Variants in MAST4 observed in about 807,000 individuals in gnomAD.
The protein encoded by MAST4 is microtubule associated serine/threonine kinase family member 4, also known as microtubule-associated serine/threonine-protein kinase 4.
A neutral mutation model predicts 162.7 loss-of-function variants in MAST4; 89 were observed. That is an observed-to-expected ratio of 0.55 (90% confidence interval 0.46 to 0.65). MAST4 has a LOEUF of 0.65. Among genes scored for constraint, MAST4 ranks in the 30% least tolerant of loss-of-function variants. MAST4 has a pLI of 0.00. For synonymous variants in MAST4, 1,479 were observed against 1,361.1 expected, an observed-to-expected ratio of 1.09 and a Z score of -1.91; for missense variants, 3,153 against 3,374.0, an observed-to-expected ratio of 0.93 and a Z score of 1.62.
chr5:67,152,575 G>A, intron 24 of MAST4, 62 bp from the exon 25 acceptor site: 1 of 1,385,300 alleles, frequency 7.2e-7, no homozygotes, highest in Non-Finnish European at 1.0e-6. Flanking sequence ...TGGGGTGAGG[G>A]TTGCCTGCAT....
chr5:66,858,883 A>C (rs1759880232), intron 3 of MAST4, among the ~76,000 whole-genome samples: 2 of 152,110 alleles, frequency 1.3e-5, no homozygotes, highest in Non-Finnish European at 1.5e-5. Context: ...CCTTTGATAG[A>C]TGTATCTCTA....
At chr5:67,010,347 T>C (rs1198505258) in intron 4 of MAST4, among the ~76,000 whole-genome samples, 1 of 152,134 alleles carries the variant, frequency 6.6e-6, no homozygotes, top group Admixed American at 6.5e-5. Context: ...TGGGAGTTAC[T>C]TCAGATAACG....
intron 1 of MAST4, among the ~76,000 whole-genome samples, chr5:66,653,439 TCA>T (rs1376959519): frequency 3.3e-5 from 5 of 152,312 alleles, no homozygotes; most frequent in African/African-American, 1.2e-4. Context: ...GCCAGCCCCC[TCA>T]CAGTGCCAGC....
intron 1 of MAST4, among the ~76,000 whole-genome samples, chr5:66,721,965 A>G (rs553988696): frequency 6.6e-6 from 1 of 152,122 alleles, no homozygotes; most frequent in South Asian, 2.1e-4. Context: ...CACCTTCTGC[A>G]CTGCTGCTAC....
intron 3 of MAST4, among the ~76,000 whole-genome samples, chr5:66,831,033 CT>C (rs1757563537): frequency 6.6e-6 from 1 of 152,080 alleles, no homozygotes. Flanking sequence ...TAATATATGA[CT>C]TTTGAGTGTA....
rs140685940 is a variant in MAST4, at chr5:67,068,512, T to C, written c.763+14020T>C. Among the ~76,000 whole-genome samples the C allele has an allele frequency of 8.0e-4, 122 of 152,240 alleles. 4 individuals are homozygous for C. In the East Asian group the frequency reaches 0.021, roughly 26 times the overall value. On this transcript the variant is annotated intron_variant, in intron 5 of 28. Coordinates refer to ENST00000403625, the MANE Select transcript of MAST4 (RefSeq NM_001164664.2). ...AGCATGGGAGAAACCATCTCCATGA[T>C]CCAGTCACTTTCCCCTGGGTCCCTC...
chr5:66,828,814 GTGA>G (rs1757403490), intron 3 of MAST4: 1 of 1,602,810 alleles, frequency 6.2e-7, no homozygotes, highest in African/African-American at 1.3e-5. Context: ...CTAGACTGTT[GTGA>G]GAGGCTCAGA....
At chr5:66,837,921 G>A (rs1477946929) in intron 3 of MAST4, among the ~76,000 whole-genome samples, 1 of 116,386 alleles carries the variant, frequency 8.6e-6, no homozygotes, top group African/African-American at 3.5e-5. Context: ...TTTTTTTAAT[G>A]TGGAGGTGTT....
At chr5:67,078,056 G>A (rs189845032) in intron 5 of MAST4, among the ~76,000 whole-genome samples, 112 of 152,174 alleles carry the variant, frequency 7.4e-4, no homozygotes, top group Non-Finnish European at 1.1e-3. Flanking sequence ...CCAAGATCGC[G>A]CCATTGCACT....
intron 3 of MAST4, among the ~76,000 whole-genome samples, chr5:66,802,877 T>C (rs181086314): frequency 4.3e-4 from 65 of 152,290 alleles, no homozygotes; most frequent in Non-Finnish European, 7.8e-4. Flanking sequence ...TCTGCTTGCC[T>C]ACTTTTCTGC....
chr5:67,049,753 C>T (rs940706906), intron 4 of MAST4, among the ~76,000 whole-genome samples: 5 of 152,102 alleles, frequency 3.3e-5, no homozygotes, highest in African/African-American at 9.7e-5. Context: ...CACTGCCTGT[C>T]GGGGTTTCCT....
intron 1 of MAST4, among the ~76,000 whole-genome samples, chr5:66,646,332 A>G (rs543346413): frequency 6.6e-6 from 1 of 152,318 alleles, no homozygotes; most frequent in South Asian, 2.1e-4. Context: ...GGCAGACATC[A>G]GAAATTGAAC....
chr5:66,751,020 C>CT (rs1753123888), intron 1 of MAST4, among the ~76,000 whole-genome samples: 2 of 152,120 alleles, frequency 1.3e-5, no homozygotes. Flanking sequence ...TGGGAGGCAC[C>CT]CCCCAGCAGG....
chr5:66,754,740 T>G (rs258275), intron 1 of MAST4, among the ~76,000 whole-genome samples: 17,217 of 152,154 alleles, frequency 0.11, 1,072 homozygotes, highest in East Asian at 0.27. Context: ...GTACCAAAGA[T>G]CTCATATGTC....
chr5:67,027,239 T>C (rs1160863158), intron 4 of MAST4, among the ~76,000 whole-genome samples: 1 of 152,176 alleles, frequency 6.6e-6, no homozygotes, highest in Non-Finnish European at 1.5e-5. Context: ...CTGAATTCAC[T>C]GAAATATATA....
intron 5 of MAST4, among the ~76,000 whole-genome samples, chr5:67,079,736 C>T (rs941470756): frequency 6.6e-6 from 1 of 152,190 alleles, no homozygotes; most frequent in Non-Finnish European, 1.5e-5. Flanking sequence ...TCAAAGCCTC[C>T]TTTCCTTTCA....
At chr5:66,681,799 A>G (rs1748346931) in intron 1 of MAST4, among the ~76,000 whole-genome samples, 1 of 152,164 alleles carries the variant, frequency 6.6e-6, no homozygotes, top group Admixed American at 6.5e-5. Flanking sequence ...CTGTCCTCCC[A>G]AGCTGCCTCT....
chr5:67,164,358 G>C lies in MAST4; in HGVS notation c.5179G>C (p.Gly1727Arg). Residue 1727 changes from glycine to arginine, a missense_variant, in exon 29 of 29, where the codon GGT becomes CGT. Physicochemically the swap from Gly to Arg is moderately radical, Grantham distance 125. This residue lies in a region of MAST4 where 1,644 missense variants were observed against 1,495.0 expected (regional missense o/e 1.10). Transcript: ENST00000403625. This position sits in a 1 kb window ranked among gnomAD's most constrained non-coding sequence, Gnocchi z 5.3. ...GCCAGGGAACCCAGTCCGACCCACG[G>C]GTGGGCAGCAGGAGCCCCCGCCGGC... is the stretch of plus-strand genomic sequence containing the variant. ...CLPGNPVRPT[G>R]GQQEPPPASE... 6.2e-7 allele frequency: 1 copy of C among 1,613,964 alleles called. No individual in the cohort carries two copies. Among genetic ancestry groups the C allele is most frequent in the Non-Finnish European group, 8.5e-7 (1 of 1,179,878 alleles).
intron 3 of MAST4, among the ~76,000 whole-genome samples, chr5:66,837,864 TTATATATATATA>T (rs1209782576): frequency 3.6e-4 from 30 of 82,702 alleles, no homozygotes; most frequent in African/African-American, 1.7e-3. Flanking sequence ...AGACTTGATT[TTATATATATATA>T]TATATATATA....
Sources: gnomAD v4.1 joint callset for allele counts (sites outside exome capture counted in the v4.1 genomes callset) on GRCh38, gnomAD v4.1.1 for gene constraint, gnomAD v4.1.1 regional missense constraint, Gnocchi (gnomAD v3.1) non-coding constraint, MANE v1.5 for transcripts, NCBI Gene and HGNC (gene_info 2026-07-23, HGNC 2026-07-21) for gene names.